The following SASH1 variants were observed in gnomAD, a reference collection of about 807,000 sequenced individuals.
SASH1 encodes SAM and SH3 domain-containing protein 1.
In SASH1, 44 loss-of-function variants were observed where a neutral mutation model predicts 125.2. The ratio of observed to expected loss-of-function variants is 0.35; its 90% CI spans 0.28 to 0.45. The LOEUF (loss-of-function observed/expected upper bound fraction) is 0.45. SASH1 is among the 20% of genes least tolerant of loss of function. The pLI is 1.00. For synonymous variants in SASH1, 639 were observed against 649.1 expected (o/e 0.98, Z 0.24); for missense variants, 1,426 against 1,614.5 (o/e 0.88, Z 2.00).
At position 148,288,077 on chromosome 6, in the gene SASH1, G is replaced by A. The variant is rs1478221017; in HGVS notation, n.74+15700G>A. ...CGTTTCATCATCGCCCTAACTGGCCGTGCTTGTGGCAGTGGGACATAAGCT... is the reference window on the plus strand; with the variant it reads ...CGTTTCATCATCGCCCTAACTGGCCATGCTTGTGGCAGTGGGACATAAGCT... On this transcript the variant is annotated intron_variant and non_coding_transcript_variant, in intron 1 of 3. Coordinates refer to the SASH1 transcript ENST00000367469. 3.3e-5 allele frequency among the ~76,000 whole-genome samples: 5 copies of A among 152,330 alleles called. 1 individual carries two copies. The highest frequency in any genetic ancestry group is 4.1e-4 in the South Asian group (2 of 4,832).
intron 1 of SASH1, among the ~76,000 whole-genome samples, chr6:148,307,031 TCTTTCTTTCTTTCTTTCTTTC>T (rs1780148349): frequency 6.8e-5 from 3 of 44,058 alleles, no homozygotes; most frequent in East Asian, 6.4e-4. Flanking sequence ...TTCTTTTCTT[TCTTTCTTTCTTTCTTTCTTTC>T]TTTCTTTCTT....
chr6:148,365,982 G>A (rs1425007062), intron 1 of SASH1, among the ~76,000 whole-genome samples: 1 of 152,038 alleles, frequency 6.6e-6, no homozygotes, highest in Non-Finnish European at 1.5e-5. Flanking sequence ...GCGTGGTGGC[G>A]TGCGCCTGTA....
chr6:148,380,316 T>C (rs888754366), intron 1 of SASH1, among the ~76,000 whole-genome samples: 4 of 152,222 alleles, frequency 2.6e-5, no homozygotes, highest in Non-Finnish European at 5.9e-5. Context: ...CATTTAACCA[T>C]AGTACTAGAA....
At chr6:148,390,338 A>G in intron 2 of SASH1, 76 bp downstream of exon 2, 1 of 1,430,846 alleles carries the variant, frequency 7.0e-7, no homozygotes. Context: ...TCTTTATCCC[A>G]GTGCTAGCTC....
chr6:148,515,382 C>G (rs1255258905), intron 9 of SASH1, among the ~76,000 whole-genome samples: 1 of 152,094 alleles, frequency 6.6e-6, no homozygotes, highest in Admixed American at 6.5e-5. Context: ...GAAATAAAAT[C>G]AAGCCATGTA....
chr6:148,350,234 C>T (rs1380909601), intron 1 of SASH1, among the ~76,000 whole-genome samples: 7 of 152,102 alleles, frequency 4.6e-5, no homozygotes, highest in Admixed American at 1.3e-4. Context: ...GCTGGAGGAT[C>T]GCTTGAGGCC....
chr6:148,259,754 C>T, the SASH1 span, among the ~76,000 whole-genome samples: 1 of 152,192 alleles, frequency 6.6e-6, no homozygotes, highest in Non-Finnish European at 1.5e-5. Context: ...ACTTTTGGAT[C>T]CCGCAGATGG....
At chr6:148,210,977 G>T in the SASH1 span, among the ~76,000 whole-genome samples, 1 of 152,168 alleles carries the variant, frequency 6.6e-6, no homozygotes, top group Non-Finnish European at 1.5e-5. Context: ...GAGTGGAAGA[G>T]CTTGTAACAG....
chr6:148,468,677 C>T, intron 5 of SASH1, 92 bp downstream of exon 5: 1 of 789,666 alleles, frequency 1.3e-6, no homozygotes. Flanking sequence ...CACAAGAATC[C>T]TTCTACTCAG....
At chr6:148,283,648 C>G (rs554353009) in intron 1 of SASH1, among the ~76,000 whole-genome samples, 2 of 152,216 alleles carry the variant, frequency 1.3e-5, no homozygotes, top group African/African-American at 2.4e-5. Context: ...GTGGCATGCA[C>G]CTGTAATCCC....
chr6:148,425,943 G>T (rs969912392), intron 2 of SASH1, among the ~76,000 whole-genome samples: 3 of 151,900 alleles, frequency 2.0e-5, no homozygotes, highest in African/African-American at 7.3e-5. Context: ...GCGTGGTGGC[G>T]CATACCTGTA....
chr6:148,504,697 A>G lies in SASH1; in HGVS notation c.730-9627A>G, dbSNP rs538582310. Among the ~76,000 whole-genome samples, 62 of 98,344 alleles carry G rather than the reference A, an allele frequency of 6.3e-4. No individual in the cohort carries two copies. The Middle Eastern group carries it at 0.012, about 19-fold the overall frequency. 64.5% of individuals were successfully genotyped at this position (98,344 alleles called of 152,430 possible). A position where few individuals can be genotyped will look rare whatever the true frequency, so the allele number is the denominator to read the frequency against. On this transcript the variant is annotated intron_variant, in intron 8 of 19. Coordinates refer to ENST00000367467, the MANE Select transcript of SASH1 (RefSeq NM_015278.5). ...AACTTCTTCATTCCACAGTGATCGC[A>G]CCAGTATTTATGGGTGGGCACTAGG...
At chr6:148,526,348 C>T (rs1421922717) in intron 11 of SASH1, among the ~76,000 whole-genome samples, 3 of 152,082 alleles carry the variant, frequency 2.0e-5, no homozygotes, top group Non-Finnish European at 4.4e-5. Context: ...AGGTGTGAGC[C>T]ACGCGCCCGG....
chr6:148,530,789 C>T (rs1437388725), intron 12 of SASH1, among the ~76,000 whole-genome samples: 1 of 152,172 alleles, frequency 6.6e-6, no homozygotes, highest in Non-Finnish European at 1.5e-5. Context: ...CTCAAATGTG[C>T]AAATGAGGAG....
chr6:148,354,293 C>T (rs1247092504), intron 1 of SASH1, among the ~76,000 whole-genome samples: 1 of 152,142 alleles, frequency 6.6e-6, no homozygotes, highest in African/African-American at 2.4e-5. Flanking sequence ...TTAAATGGTA[C>T]CCACATTGCC....
At chr6:148,233,388 C>T in the SASH1 span, among the ~76,000 whole-genome samples, 1 of 152,044 alleles carries the variant, frequency 6.6e-6, no homozygotes, top group African/African-American at 2.4e-5. Context: ...CAGACCAGAA[C>T]CTTCACCCAC....
chr6:148,272,119 T>C (rs1485649853), upstream of SASH1, among the ~76,000 whole-genome samples: 4 of 152,172 alleles, frequency 2.6e-5, no homozygotes, highest in African/African-American at 9.7e-5. Flanking sequence ...GTGTTATATG[T>C]TAAGCATTTG....
intron 1 of SASH1, among the ~76,000 whole-genome samples, chr6:148,288,670 A>G (rs911041721): frequency 9.8e-5 from 13 of 132,088 alleles, no homozygotes; most frequent in Non-Finnish European, 1.6e-4. Context: ...ACAGACACAC[A>G]CGGAATACAC....
chr6:148,342,666 C>G (rs930195236), upstream of SASH1: 15 of 152,364 alleles, frequency 9.8e-5, no homozygotes, highest in African/African-American at 2.9e-4. Flanking sequence ...CCGGGTCCTG[C>G]CAAGACTTGC....
Sources: allele counts gnomAD v4.1 joint callset (sites outside exome capture counted in the v4.1 genomes callset), GRCh38; gene constraint gnomAD v4.1.1; transcripts MANE v1.5; gene names NCBI Gene and HGNC (gene_info 2026-07-23, HGNC 2026-07-21).